The following PTPRU variants were observed in gnomAD, a reference collection of about 807,000 sequenced individuals.
PTPRU encodes receptor-type tyrosine-protein phosphatase U.
Under a neutral mutation model 166.3 loss-of-function variants are expected in PTPRU, and 69 were observed. That is an observed-to-expected ratio of 0.41 (90% CI 0.34 to 0.51). The LOEUF is 0.51. Ranked by LOEUF, PTPRU falls within the 20% of genes least tolerant of loss-of-function variation. The pLI is 0.09. For missense variants in PTPRU, 1,657 were observed against 2,013.7 expected, an observed-to-expected ratio of 0.82 and a Z score of 3.39; for synonymous variants, 793 against 814.0, an observed-to-expected ratio of 0.97 and a Z score of 0.44.
intron 15 of PTPRU, among the ~76,000 whole-genome samples, chr1:29,299,078 G>A (rs944370990): frequency 2.0e-5 from 3 of 152,240 alleles, no homozygotes; most frequent in Non-Finnish European, 2.9e-5. Context: ...GGGAATCAGG[G>A]AAAGTGCCAC....
rs1574582738 is a variant in PTPRU, at chr1:29,236,831, G to A, written c.73+114G>A. 3.9e-6 allele frequency: 4 copies of A among 1,025,018 alleles called. No homozygotes were observed. The East Asian group carries it at 1.0e-4, about 26-fold the overall frequency. The allele number at this position is 1,025,018 out of a possible 1,614,324, so 63.5% of individuals were successfully genotyped here. ...CGGGCGTTACGAGCGTGCTCCCTGT[G>A]TGTGTCTGAGCGTAGGATGGGCGAT... On this transcript the variant is annotated intron_variant, in intron 1 of 29. Transcript: ENST00000373779. This position sits in a 1 kb window ranked among gnomAD's most constrained non-coding sequence, Gnocchi z 4.6.
chr1:29,262,594 T>A (rs1685118428), intron 7 of PTPRU, among the ~76,000 whole-genome samples: 1 of 152,220 alleles, frequency 6.6e-6, no homozygotes, highest in South Asian at 2.1e-4. Flanking sequence ...GAAATTAAAC[T>A]TTATCATAGG....
intron 8 of PTPRU, among the ~76,000 whole-genome samples, chr1:29,277,899 A>T (rs1422960004): frequency 7.4e-6 from 1 of 134,410 alleles, no homozygotes; most frequent in African/African-American, 2.9e-5. Context: ...ACTCACTGCA[A>T]CCTCTGCCTT....
intron 1 of PTPRU, among the ~76,000 whole-genome samples, chr1:29,252,132 G>A (rs577993198): frequency 1.5e-4 from 23 of 152,318 alleles, no homozygotes; most frequent in Non-Finnish European, 2.5e-4. Flanking sequence ...TCTGGAAAGA[G>A]TCTTCTGTTA....
intron 15 of PTPRU, among the ~76,000 whole-genome samples, chr1:29,299,269 T>C (rs534250538): frequency 3.3e-5 from 5 of 152,304 alleles, no homozygotes; most frequent in African/African-American, 1.2e-4. Flanking sequence ...ACAGAAGATG[T>C]TCCACAGTCA....
intron 7 of PTPRU, among the ~76,000 whole-genome samples, chr1:29,268,196 A>G (rs1685387948): frequency 6.6e-6 from 1 of 152,188 alleles, no homozygotes; most frequent in Non-Finnish European, 1.5e-5. Context: ...AGATGGATAC[A>G]TGAGTGTGGA....
In PTPRU at chr1:29,269,246, A is replaced by ATTTTTTTT; in HGVS notation, c.1145-6180_1145-6173dup. Among the ~76,000 whole-genome samples, 92 of 20,590 alleles carry ATTTTTTTT rather than the reference A, an allele frequency of 4.5e-3. 20 individuals carry two copies. Among genetic ancestry groups the ATTTTTTTT allele is most frequent in the Non-Finnish European group, 8.0e-3 (80 of 9,986 alleles). The allele number at this position is 20,590 out of a possible 152,430, so 13.5% of individuals were successfully genotyped here. On this transcript the variant is annotated intron_variant, in intron 7 of 29. Coordinates refer to ENST00000373779, the MANE Select transcript of PTPRU (RefSeq NM_133178.4). ...TATATATATATATATATATATATAT[A>ATTTTTTTT]TTTTTTTTTTTTTTTTTTTTTTTTT...
chr1:29,242,318 A>G (rs1162555984), intron 1 of PTPRU, among the ~76,000 whole-genome samples: 15 of 152,120 alleles, frequency 9.9e-5, no homozygotes. Context: ...GGCTGTACCC[A>G]ACTCAACCTC....
At chr1:29,323,285 G>C in intron 26 of PTPRU, 86 bp from the exon 27 acceptor site, 2 of 1,514,824 alleles carry the variant, frequency 1.3e-6, no homozygotes, top group Non-Finnish European at 1.8e-6. Context: ...CACAGGGCAA[G>C]TGTGGAGCCC....
In PTPRU at chr1:29,325,496, GGGCTC is replaced by G. The variant is rs1007197865; in HGVS notation, c.4249-100_4249-96del. On this transcript the variant is annotated intron_variant, in intron 29 of 29. Transcript: ENST00000373779. ...CTCCCTTCTCCCCGAGGGCGGGCCTGGGCTCGGGCTCGTGCTTGCCCTCTCACTCC... is the reference window on the plus strand; with the variant it reads ...CTCCCTTCTCCCCGAGGGCGGGCCTGGGGCTCGTGCTTGCCCTCTCACTCC... 26 of 1,509,572 alleles carry G rather than the reference GGGCTC, an allele frequency of 1.7e-5. No individual in the cohort carries two copies. In the African/African-American group the frequency reaches 3.6e-4, roughly 21 times the overall value. 93.5% of individuals were successfully genotyped at this position (1,509,572 alleles called of 1,614,324 possible).
intron 26 of PTPRU, among the ~76,000 whole-genome samples, chr1:29,322,625 G>A (rs1302043110): frequency 1.3e-5 from 2 of 152,120 alleles, no homozygotes; most frequent in Admixed American, 1.3e-4. Flanking sequence ...TGGTCAGAGG[G>A]GATTGATGAG....
In PTPRU at chr1:29,320,783, C is replaced by A; in HGVS notation, c.3786C>A (p.Ser1262=). The A allele has an allele frequency of 6.2e-7, 1 of 1,605,284 alleles. No individual in the cohort carries two copies. The change falls in exon 26 of 30, where the codon TCC becomes TCA. Residue 1262 remains serine (S), a synonymous_variant. Transcript: ENST00000373779. The surrounding 1 kb of genome is among the most constrained non-coding windows in gnomAD (Gnocchi z 5.2). ...TGGTCTACGATTACGGGTGCACCTC[C>A]ATCGTCATGCTCAACCAGCTGAACC... The part of the protein sequence containing the change: ...WRLVYDYGCT[S]IVMLNQLNQS...
At position 29,315,721 on chromosome 1, in the gene PTPRU, C is replaced by T. The variant is rs1305611895; in HGVS notation, c.3363+214C>T. On this transcript the variant is annotated intron_variant, in intron 23 of 29. Coordinates refer to ENST00000373779, the MANE Select transcript of PTPRU (RefSeq NM_133178.4). This position sits in a 1 kb window ranked among gnomAD's most constrained non-coding sequence, Gnocchi z 4.5. ...TGGGGTCAGACAACCGGTCCTGTAG[C>T]TGACATACCTGGGATTGCATCCTCA... Among the ~76,000 whole-genome samples, 1 of 152,188 alleles carries T rather than the reference C, an allele frequency of 6.6e-6. No individual in the cohort carries two copies. Among genetic ancestry groups the T allele is most frequent in the African/African-American group, 2.4e-5 (1 of 41,434 alleles).
rs1685573382 is a variant in PTPRU, at chr1:29,271,946, A to T, written c.1145-3502A>T. Among the ~76,000 whole-genome samples the T allele has an allele frequency of 6.6e-6, 1 of 152,144 alleles. No homozygotes were observed. Among genetic ancestry groups the T allele is most frequent in the Admixed American group, 6.5e-5 (1 of 15,272 alleles). On this transcript the variant is annotated intron_variant, in intron 7 of 29. Coordinates refer to ENST00000373779, the MANE Select transcript of PTPRU (RefSeq NM_133178.4). The surrounding 1 kb of genome is among the most constrained non-coding windows in gnomAD (Gnocchi z 4.4). ...AACAGAGAGCCACTCCCAGTAGTGC[A>T]AATAAAGCAGTGGTACCTCGGCTCT...
intron 8 of PTPRU, among the ~76,000 whole-genome samples, chr1:29,277,803 C>CTTTTTTTTTTTT (rs71586898): frequency 0.011 from 542 of 50,576 alleles, 116 homozygotes; most frequent in Non-Finnish European, 0.013. Flanking sequence ...AGTTGTCATT[C>CTTTTTTTTTTTT]TTTTTTTTTT....
chr1:29,278,369 C>A (rs959773314), intron 8 of PTPRU, among the ~76,000 whole-genome samples: 1 of 152,156 alleles, frequency 6.6e-6, no homozygotes, highest in Non-Finnish European at 1.5e-5. Context: ...TTTTCCCAAG[C>A]AAAGATCATT....
intron 22 of PTPRU, among the ~76,000 whole-genome samples, chr1:29,314,581 TAA>T (rs1687813197): frequency 2.0e-5 from 2 of 100,864 alleles, no homozygotes; most frequent in African/African-American, 1.5e-4. Context: ...TTGAATTAAT[TAA>T]TTTTTTTTTT....
chr1:29,285,552 C>A (rs1557449779), intron 14 of PTPRU, among the ~76,000 whole-genome samples: 1 of 152,206 alleles, frequency 6.6e-6, no homozygotes, highest in African/African-American at 2.4e-5. Context: ...AACCTAGAAT[C>A]TTGCAGTTTC....
Position 29,243,710 on chromosome 1 carries a change from G to A in PTPRU, c.73+6993G>A, listed in dbSNP as rs983093316. On this transcript the variant is annotated intron_variant, in intron 1 of 29. Coordinates refer to ENST00000373779, the MANE Select transcript of PTPRU (RefSeq NM_133178.4). Reference sequence around the variant, plus strand: ...TTTCCACTAGGCTGGGAGCCCCCAGGGGCTGAGCTGTGTCTTTGTCATCTG... The same window carrying A: ...TTTCCACTAGGCTGGGAGCCCCCAGAGGCTGAGCTGTGTCTTTGTCATCTG... Among the ~76,000 whole-genome samples the A allele has an allele frequency of 7.2e-5, 11 of 152,242 alleles. No homozygotes were observed. In the East Asian group the frequency reaches 1.7e-3, roughly 24 times the overall value.
Sources: allele counts gnomAD v4.1 joint callset (sites outside exome capture counted in the v4.1 genomes callset), GRCh38; gene constraint gnomAD v4.1.1; non-coding constraint Gnocchi (gnomAD v3.1); transcripts MANE v1.5; gene names NCBI Gene and HGNC (gene_info 2026-07-23, HGNC 2026-07-21).